KMT2C: variants seen among roughly 807,000 people sequenced by gnomAD.
KMT2C encodes the protein lysine methyltransferase 2C, also known as histone-lysine N-methyltransferase 2C.
Under a neutral mutation model 507.9 loss-of-function variants are expected in KMT2C, and 88 were observed. The observed-to-expected ratio is 0.17, with a 90% CI of 0.15 to 0.21. The LOEUF is 0.21. Among genes scored for constraint, KMT2C ranks in the 10% least tolerant of loss-of-function variants. KMT2C has a pLI of 1.00. For missense variants in KMT2C, 4,954 were observed against 5,957.8 expected, an observed-to-expected ratio of 0.83 and a Z score of 5.55; for synonymous variants, 2,049 against 2,080.8, an observed-to-expected ratio of 0.98 and a Z score of 0.42.
At chr7:152,401,098 C>CTT (rs200213396) in intron 1 of KMT2C, among the ~76,000 whole-genome samples, 5 of 139,740 alleles carry the variant, frequency 3.6e-5, no homozygotes, top group Non-Finnish European at 6.3e-5. Context: ...TATTCATTAA[C>CTT]TTTTTTTTTT....
intron 1 of KMT2C, among the ~76,000 whole-genome samples, chr7:152,412,840 T>C (rs1328763): frequency 3.9e-5 from 6 of 152,262 alleles, no homozygotes; most frequent in Non-Finnish European, 8.8e-5. Context: ...AAATTACTTT[T>C]TTCAGATCTA....
At chr7:152,264,946 C>T in intron 8 of KMT2C, 92 bp downstream of exon 8, 2 of 1,417,732 alleles carry the variant, frequency 1.4e-6, no homozygotes, top group Non-Finnish European at 1.9e-6. Flanking sequence ...AAAATATGAA[C>T]AACCTCTATT....
intron 8 of KMT2C, 124 bp from the exon 9 acceptor site, chr7:152,263,254 T>C: frequency 1.4e-6 from 1 of 739,958 alleles, no homozygotes; most frequent in East Asian, 2.8e-5. Context: ...ATCTGTTTTG[T>C]CTCTGCAGAT....
At chr7:152,173,675 T>C (rs1424807089) in intron 39 of KMT2C, among the ~76,000 whole-genome samples, 1 of 152,242 alleles carries the variant, frequency 6.6e-6, no homozygotes, top group East Asian at 1.9e-4. Context: ...AACTTCCAAC[T>C]GTCCTCTTAT....
intron 31 of KMT2C, among the ~76,000 whole-genome samples, chr7:152,189,741 G>C (rs905152136): frequency 2.0e-5 from 3 of 152,302 alleles, no homozygotes; most frequent in South Asian, 2.1e-4. Flanking sequence ...GGGTCCACTG[G>C]ATCAGGTTTT....
rs545159899 is a variant in KMT2C, at chr7:152,346,883, C to T, written c.250+11704G>A. Among the ~76,000 whole-genome samples, 63 of 152,242 alleles carry T rather than the reference C, an allele frequency of 4.1e-4. No individual in the cohort carries two copies. In the East Asian group the frequency reaches 0.011, roughly 27 times the overall value. On this transcript the variant is annotated intron_variant, in intron 2 of 58. Transcript: ENST00000262189. Reference sequence around the variant, plus strand: ...GGCTCACACCTGTAATCCCAGCACTCTGGGAGGCCGAGGCGGGCGGATCAG... The same window carrying T: ...GGCTCACACCTGTAATCCCAGCACTTTGGGAGGCCGAGGCGGGCGGATCAG...
Position 152,194,083 on chromosome 7 carries a change from C to A in KMT2C, c.4586G>T (p.Ser1529Ile). 1 of 1,592,730 alleles carries A rather than the reference C, an allele frequency of 6.3e-7. No homozygotes were observed. Among genetic ancestry groups the A allele is most frequent in the Middle Eastern group, 1.7e-4 (1 of 5,962 alleles). The change falls in exon 31 of 59, where the codon AGT becomes ATT. Residue 1529 changes from serine (S) to isoleucine (I), a missense_variant. Transcript: ENST00000262189. ...TGGAGTTGGCTGAGTGTTCGCAGGA[C>A]TAAGTACAGCTGTAAATAAGTCTTC... is the stretch of plus-strand genomic sequence containing the variant. The part of the protein sequence containing the change: ...DVEDLFTAVL[S>I]PANTQPTPLP...
At chr7:152,163,890 G>A (rs2092588741) in intron 42 of KMT2C, 64 bp from the exon 43 acceptor site, 1 of 1,482,312 alleles carries the variant, frequency 6.7e-7, no homozygotes, top group African/African-American at 1.4e-5. Context: ...TAAAACACTG[G>A]CTGATGACTG....
In KMT2C at chr7:152,202,953, G is replaced by A. The variant is rs2129135601; in HGVS notation, c.4073C>T (p.Thr1358Ile). Residue 1358 changes from threonine to isoleucine, a missense_variant, in exon 26 of 59, where the codon ACT becomes ATT. Coordinates refer to ENST00000262189, the MANE Select transcript of KMT2C (RefSeq NM_170606.3). ...YRKRKNKLEE[T>I]FPAYLQEAFF... is the part of the protein sequence containing the mutation. ...TATTACTTGTAAATAGGCAGGGAAA[G>A]TTTCTTCAAGCTTATTTTTCCTTTT... is the stretch of plus-strand genomic sequence containing the variant. 1 of 1,602,426 alleles carries A rather than the reference G, an allele frequency of 6.2e-7. No individual in the cohort carries two copies. Among genetic ancestry groups the A allele is most frequent in the Non-Finnish European group, 8.5e-7 (1 of 1,171,972 alleles).
At chr7:152,371,434 C>T (rs1447131817) in intron 1 of KMT2C, among the ~76,000 whole-genome samples, 3 of 152,018 alleles carry the variant, frequency 2.0e-5, no homozygotes, top group African/African-American at 7.2e-5. Context: ...AAAAAATCAT[C>T]AAATCACAAA....
rs781192603 is a variant in KMT2C at position 152,158,901 on chromosome 7, T to C, written c.11632A>G (p.Met3878Val). ...GTAAACGTGTCAGTGCTAGAGTACA[T>C]AGCTTGTTTCTCCTCTTCGTCCTTT... ...RKKDEEEKQA[M>V]YSSTDTFTHL... is the part of the protein sequence containing the mutation. Residue 3878 changes from methionine to valine, a missense_variant, in exon 44 of 59, where the codon ATG becomes GTG. Around this residue, in one of 29 missense-constraint regions of KMT2C, gnomAD observed 801 missense variants for 751.2 expected, o/e 1.07. Transcript: ENST00000262189. 4.3e-6 allele frequency: 7 copies of C among 1,614,060 alleles called. No homozygotes were observed. The African/African-American group carries it at 5.3e-5, about 12-fold the overall frequency.
chr7:152,363,932 G>A (rs373892555), intron 1 of KMT2C, among the ~76,000 whole-genome samples: 1 of 152,198 alleles, frequency 6.6e-6, no homozygotes. Flanking sequence ...CAACTGTATT[G>A]TCTCTAGCCA....
intron 6 of KMT2C, among the ~76,000 whole-genome samples, chr7:152,297,007 A>AAGAAAG (rs2096507803): frequency 1.3e-5 from 1 of 77,580 alleles, no homozygotes; most frequent in Non-Finnish European, 2.3e-5. Flanking sequence ...AAAAGAAAGA[A>AAGAAAG]AGAAAGAAAG....
chr7:152,248,784 G>A (rs2095517369), intron 13 of KMT2C, among the ~76,000 whole-genome samples, 164 bp from the exon 14 acceptor site: 6 of 152,100 alleles, frequency 3.9e-5, no homozygotes. Context: ...AAGGATTTAT[G>A]GATTAGAATC....
rs917774009 is a variant in KMT2C, at chr7:152,138,095, C to T, written c.14643+701G>A. ...AACCAAGCCTGCTGCTCAGTGACAGCTTTCCAGGAAATGCCAATTCCAGAA... is the reference window on the plus strand; with the variant it reads ...AACCAAGCCTGCTGCTCAGTGACAGTTTTCCAGGAAATGCCAATTCCAGAA... On this transcript the variant is annotated intron_variant, in intron 58 of 58. Coordinates refer to ENST00000262189, the MANE Select transcript of KMT2C (RefSeq NM_170606.3). The surrounding 1 kb of genome is among the most constrained non-coding windows in gnomAD (Gnocchi z 4.2). The T allele has an allele frequency of 1.3e-5, 2 of 152,228 alleles. No individual in the cohort carries two copies. The highest frequency in any genetic ancestry group is 4.8e-5 in the African/African-American group (2 of 41,444). 9.4% of individuals were successfully genotyped at this position (152,228 alleles called of 1,614,324 possible). A position where few individuals can be genotyped will look rare whatever the true frequency, so the allele number is the denominator to read the frequency against.
At chr7:152,172,754 A>G (rs1485603496) in intron 39 of KMT2C, among the ~76,000 whole-genome samples, 3 of 152,190 alleles carry the variant, frequency 2.0e-5, no homozygotes, top group Non-Finnish European at 4.4e-5. Flanking sequence ...GAATATACAT[A>G]GAAACTACAA....
chr7:152,422,528 A>G (rs1314186882), intron 1 of KMT2C, among the ~76,000 whole-genome samples: 1 of 152,076 alleles, frequency 6.6e-6, no homozygotes, highest in East Asian at 1.9e-4. Flanking sequence ...CTACCAATCA[A>G]CCGGGCCTCA....
chr7:152,215,101 C>A (rs1429831726), intron 23 of KMT2C, among the ~76,000 whole-genome samples: 1 of 151,824 alleles, frequency 6.6e-6, no homozygotes, highest in African/African-American at 2.4e-5. Flanking sequence ...ATCCTACCTG[C>A]CAAAAACAGT....
chr7:152,209,940 G>A (rs2094414917), intron 23 of KMT2C, among the ~76,000 whole-genome samples: 1 of 152,104 alleles, frequency 6.6e-6, no homozygotes, highest in African/African-American at 2.4e-5. Flanking sequence ...ATTATCTGCA[G>A]AAGTCATACT....
Sources: gnomAD v4.1 joint callset for allele counts (sites outside exome capture counted in the v4.1 genomes callset) on GRCh38, gnomAD v4.1.1 for gene constraint, gnomAD v4.1.1 regional missense constraint, Gnocchi (gnomAD v3.1) non-coding constraint, MANE v1.5 for transcripts, NCBI Gene and HGNC (gene_info 2026-07-23, HGNC 2026-07-21) for gene names.